ZFAND3: variants seen among roughly 807,000 people sequenced by gnomAD.
The protein encoded by ZFAND3 is AN1-type zinc finger protein 3.
In ZFAND3, 10 loss-of-function variants were observed where a neutral mutation model predicts 29.6. The observed-to-expected ratio is 0.34, with a 90% CI of 0.21 to 0.57. The LOEUF (loss-of-function observed/expected upper bound fraction) is 0.57, where lower values mean the gene tolerates loss of function less well. Ranked by LOEUF, ZFAND3 falls within the 20% of genes least tolerant of loss-of-function variation. The pLI, the probability that ZFAND3 is intolerant of heterozygous loss-of-function variation, is 0.86. For synonymous variants in ZFAND3, 128 were observed against 112.6 expected, an observed-to-expected ratio of 1.14 and a Z score of -0.87; for missense variants, 230 against 304.5, an observed-to-expected ratio of 0.76 and a Z score of 1.82.
chr6:38,103,348 GTATATA>G (rs5875613), intron 4 of ZFAND3, among the ~76,000 whole-genome samples: 4,504 of 143,560 alleles, frequency 0.031, 210 homozygotes, highest in African/African-American at 0.093. Context: ...GTGTGTGTAT[GTATATA>G]TATATATATA....
At chr6:38,066,468 G>A (rs1237474583) in intron 3 of ZFAND3, among the ~76,000 whole-genome samples, 1 of 152,176 alleles carries the variant, frequency 6.6e-6, no homozygotes, top group African/African-American at 2.4e-5. Context: ...GAAGAGATGT[G>A]GAGAAGTAAG....
intron 5 of ZFAND3, among the ~76,000 whole-genome samples, chr6:38,124,326 C>T (rs114784577): frequency 0.066 from 10,124 of 152,282 alleles, 452 homozygotes; most frequent in Middle Eastern, 0.11. Flanking sequence ...GCCATGCGCC[C>T]GCAATCCTCA....
intron 1 of ZFAND3, among the ~76,000 whole-genome samples, chr6:37,880,270 T>C (rs1212953281): frequency 6.6e-6 from 1 of 152,234 alleles, no homozygotes; most frequent in Non-Finnish European, 1.5e-5. Context: ...CAACCAGTGC[T>C]TTTCTCCTTT....
Position 37,929,954 on chromosome 6 carries a change from C to G in ZFAND3, c.72-5C>G, listed in dbSNP as rs1311730385. On this transcript the variant is annotated splice_polypyrimidine_tract_variant and splice_region_variant and intron_variant, in intron 1 of 5. Coordinates refer to ENST00000287218, the MANE Select transcript of ZFAND3 (RefSeq NM_021943.3). The stretch of plus-strand genomic sequence containing the variant: ...CTTTCTTTCTTTTCTTTTTGTTTGC[C>G]CCAGGTCCAGCAAGACTATGAATCT... 1.3e-6 allele frequency: 2 copies of G among 1,588,978 alleles called. No homozygotes were observed. The highest frequency in any genetic ancestry group is 1.7e-6 in the Non-Finnish European group (2 of 1,169,052).
intron 1 of ZFAND3, among the ~76,000 whole-genome samples, chr6:37,895,031 C>G (rs532026492): frequency 6.6e-6 from 1 of 152,206 alleles, no homozygotes; most frequent in Admixed American, 6.5e-5. Flanking sequence ...ATTTTTGGAT[C>G]AAAGGGCTTA....
At chr6:37,976,459 C>G (rs930451380) in intron 2 of ZFAND3, among the ~76,000 whole-genome samples, 1 of 151,706 alleles carries the variant, frequency 6.6e-6, no homozygotes. Flanking sequence ...TGGCACACAC[C>G]TATAGTCCCA....
chr6:37,920,105 G>T (rs1239215393), intron 1 of ZFAND3, among the ~76,000 whole-genome samples: 2 of 109,502 alleles, frequency 1.8e-5, no homozygotes, highest in Non-Finnish European at 1.7e-5. Context: ...TAAAATAATT[G>T]GTGTCTGCCT....
At chr6:37,905,638 A>G (rs767560976) in intron 1 of ZFAND3, among the ~76,000 whole-genome samples, 3 of 152,118 alleles carry the variant, frequency 2.0e-5, no homozygotes, top group Non-Finnish European at 4.4e-5. Flanking sequence ...TGGCATATTC[A>G]TAGAGTTGTA....
intron 2 of ZFAND3, among the ~76,000 whole-genome samples, chr6:38,002,123 ATATAC>A (rs1762959024): frequency 6.6e-6 from 1 of 152,168 alleles, no homozygotes; most frequent in African/African-American, 2.4e-5. Context: ...CCTTAAGAAG[ATATAC>A]TATAAATATT....
At chr6:37,996,011 C>T (rs1762842639) in intron 2 of ZFAND3, among the ~76,000 whole-genome samples, 1 of 151,900 alleles carries the variant, frequency 6.6e-6, no homozygotes, top group Non-Finnish European at 1.5e-5. Context: ...TGCCTGTAAT[C>T]CCAGCTACTC....
chr6:37,933,117 T>C (rs1034391877), intron 2 of ZFAND3, among the ~76,000 whole-genome samples: 1 of 152,262 alleles, frequency 6.6e-6, no homozygotes, highest in Non-Finnish European at 1.5e-5. Flanking sequence ...AAGATTATTT[T>C]GGCCAAAGCC....
intron 2 of ZFAND3, among the ~76,000 whole-genome samples, chr6:37,961,759 A>C (rs1762202548): frequency 6.6e-6 from 1 of 152,246 alleles, no homozygotes; most frequent in Non-Finnish European, 1.5e-5. Flanking sequence ...AAGACCGTCA[A>C]GGTGGTACCT....
intron 2 of ZFAND3, among the ~76,000 whole-genome samples, chr6:37,982,646 A>T (rs183500276): frequency 4.6e-5 from 7 of 152,224 alleles, no homozygotes; most frequent in Admixed American, 2.6e-4. Context: ...AGCCAGTACA[A>T]TTATGTACAC....
intron 2 of ZFAND3, among the ~76,000 whole-genome samples, chr6:37,968,507 T>C (rs1762330199): frequency 6.6e-6 from 1 of 151,840 alleles, no homozygotes; most frequent in South Asian, 2.1e-4. Flanking sequence ...ATATTTGGTG[T>C]GTGCTGCTCC....
At chr6:38,144,158 G>T (rs1292882710) in intron 5 of ZFAND3, among the ~76,000 whole-genome samples, 3 of 102,488 alleles carry the variant, frequency 2.9e-5, no homozygotes, top group Admixed American at 1.1e-4. Context: ...TTATTACCTT[G>T]CTAGAAAAAT....
intron 2 of ZFAND3, among the ~76,000 whole-genome samples, chr6:38,041,681 T>TCTTCTTCTTCTTCTTCTTCTTCTC: frequency 7.3e-5 from 1 of 13,738 alleles, no homozygotes; most frequent in African/African-American, 2.2e-4. Context: ...TTCTTCTTCT[T>TCTTCTTCTTCTTCTTCTTCTTCTC]CTTCTCCTTC....
intron 3 of ZFAND3, among the ~76,000 whole-genome samples, chr6:38,071,098 T>A (rs2127466983): frequency 6.6e-6 from 1 of 151,662 alleles, no homozygotes; most frequent in African/African-American, 2.4e-5. Flanking sequence ...AAATTCTGGA[T>A]AAGTATTTGT....
At chr6:37,935,655 T>C (rs961679195) in intron 2 of ZFAND3, among the ~76,000 whole-genome samples, 1 of 152,206 alleles carries the variant, frequency 6.6e-6, no homozygotes, top group African/African-American at 2.4e-5. Context: ...TTGAAAATAA[T>C]GTGTAATGGG....
intron 2 of ZFAND3, among the ~76,000 whole-genome samples, chr6:37,985,527 A>ACACACACACACACCC (rs753070737): frequency 1.4e-5 from 2 of 141,760 alleles, no homozygotes; most frequent in Non-Finnish European, 3.2e-5. Flanking sequence ...ACACACACAC[A>ACACACACACACACCC]CCCCCACACA....
Sources: gnomAD v4.1 joint callset for allele counts (sites outside exome capture counted in the v4.1 genomes callset) on GRCh38, gnomAD v4.1.1 for gene constraint, MANE v1.5 for transcripts, NCBI Gene and HGNC (gene_info 2026-07-23, HGNC 2026-07-21) for gene names.